Variants in ZNF782 observed in about 807,000 individuals in gnomAD.
ZNF782 encodes zinc finger protein 782.
ZNF782 carries 12 observed loss-of-function variants against 13.0 expected under a neutral mutation model. The ratio of observed to expected loss-of-function variants is 0.92; its 90% CI spans 0.59 to 1.50. ZNF782 has a LOEUF of 1.50. ZNF782 is among the 40% of genes most tolerant of loss of function. The pLI is 0.00. For missense variants in ZNF782, 770 were observed against 822.9 expected, an observed-to-expected ratio of 0.94 and a Z score of 0.79; for synonymous variants, 284 against 283.0, an observed-to-expected ratio of 1.00 and a Z score of -0.04.
chr9:96,888,654 A>G, the ZNF782 span: 1 of 152,228 alleles, frequency 6.6e-6, no homozygotes, highest in East Asian at 1.9e-4. Context: ...ATGCACTTGG[A>G]TGTGGTCAAG....
the ZNF782 span, chr9:96,890,664 C>G: frequency 3.9e-5 from 6 of 152,220 alleles, no homozygotes; most frequent in Non-Finnish European, 8.8e-5. Flanking sequence ...TGGGCAGTAA[C>G]TAACAGTATT....
chr9:96,868,350 A>G (rs977099101), intron 1 of ZNF782, among the ~76,000 whole-genome samples: 21 of 152,346 alleles, frequency 1.4e-4, no homozygotes, highest in Non-Finnish European at 2.9e-4. Context: ...CCAGTCTACA[A>G]TGTGTGTTAT....
At chr9:96,859,779 C>T (rs1851683024) in intron 3 of ZNF782, among the ~76,000 whole-genome samples, 1 of 152,160 alleles carries the variant, frequency 6.6e-6, no homozygotes, top group East Asian at 1.9e-4. Flanking sequence ...AGCTTAGACA[C>T]CAGCTCAGCT....
chr9:96,912,193 G>A, the ZNF782 span, among the ~76,000 whole-genome samples: 5 of 117,564 alleles, frequency 4.3e-5, no homozygotes, highest in South Asian at 2.9e-4. Flanking sequence ...GTGAAACTCC[G>A]TCTCGAAAAA....
intron 4 of ZNF782, among the ~76,000 whole-genome samples, chr9:96,844,446 T>A (rs1226217987): frequency 6.6e-6 from 1 of 151,862 alleles, no homozygotes; most frequent in East Asian, 1.9e-4. Flanking sequence ...TGTGCATGAG[T>A]TTCAAAAGCA....
At chr9:96,927,535 C>T in the ZNF782 span, among the ~76,000 whole-genome samples, 3 of 152,136 alleles carry the variant, frequency 2.0e-5, no homozygotes, top group Non-Finnish European at 4.4e-5. Context: ...CCAAGATTCA[C>T]ACTTGAGTCT....
At chr9:96,891,653 G>C in the ZNF782 span, 5 of 148,712 alleles carry the variant, frequency 3.4e-5, no homozygotes, top group Admixed American at 3.4e-4. Context: ...TCTGCCTCCC[G>C]CGTTCAAGCA....
At chr9:96,879,199 G>GA (rs1223801732), upstream of ZNF782, among the ~76,000 whole-genome samples, 2 of 152,186 alleles carry the variant, frequency 1.3e-5, no homozygotes, top group Admixed American at 6.5e-5. Context: ...GAAACAATGG[G>GA]ATACTTAGGC....
chr9:96,881,350 C>T, the ZNF782 span, among the ~76,000 whole-genome samples: 21 of 152,092 alleles, frequency 1.4e-4, no homozygotes, highest in Admixed American at 7.2e-4. Context: ...TAGAAACTTA[C>T]ATTGTTAATT....
the ZNF782 span, among the ~76,000 whole-genome samples, chr9:96,926,607 G>A: frequency 2.0e-5 from 3 of 151,582 alleles, no homozygotes; most frequent in African/African-American, 4.8e-5. Context: ...AGAAATGCTC[G>A]CTGGACCATT....
At chr9:96,857,565 T>C (rs1484724469), upstream of ZNF782, among the ~76,000 whole-genome samples, 1 of 152,248 alleles carries the variant, frequency 6.6e-6, no homozygotes, top group East Asian at 1.9e-4. Context: ...TATGCTGATA[T>C]TGACATTTGT....
upstream of ZNF782, among the ~76,000 whole-genome samples, chr9:96,858,292 C>T (rs1016467058): frequency 4.6e-5 from 7 of 152,226 alleles, no homozygotes; most frequent in African/African-American, 1.2e-4. This position sits in a 1 kb window ranked among gnomAD's most constrained non-coding sequence, Gnocchi z 4.4. Context: ...GAGTTAGAAG[C>T]TCTCCTCAGG....
chr9:96,929,162 C>G, the ZNF782 span: 1 of 1,515,416 alleles, frequency 6.6e-7, no homozygotes, highest in Non-Finnish European at 9.1e-7. Context: ...CTGGATGTCC[C>G]CAAGGACATC....
chr9:96,854,881 CTGTGAAAAAAAATTAAGAATTT>C (rs1305996366), upstream of ZNF782, among the ~76,000 whole-genome samples: 1 of 151,034 alleles, frequency 6.6e-6, no homozygotes, highest in South Asian at 2.1e-4. Context: ...CTTTTGTGAA[CTGTGAAAAAAAATTAAGAATTT>C]TGTAGAAATT....
the ZNF782 span, among the ~76,000 whole-genome samples, chr9:96,907,742 G>A: frequency 6.6e-6 from 1 of 151,878 alleles, no homozygotes; most frequent in South Asian, 2.1e-4. Context: ...CCGGGTTCAA[G>A]CGATTCTCCT....
chr9:96,887,700 T>C, the ZNF782 span: 1 of 152,164 alleles, frequency 6.6e-6, no homozygotes, highest in Non-Finnish European at 1.5e-5. Flanking sequence ...ATCATGCTAC[T>C]ATAAAGACAC....
the ZNF782 span, among the ~76,000 whole-genome samples, chr9:96,906,156 A>G: frequency 6.6e-6 from 1 of 152,268 alleles, no homozygotes; most frequent in Non-Finnish European, 1.5e-5. Context: ...TTCTGGGTGT[A>G]TATTAATAAT....
chr9:96,884,109 G>A, the ZNF782 span, among the ~76,000 whole-genome samples: 5 of 152,214 alleles, frequency 3.3e-5, no homozygotes, highest in Non-Finnish European at 7.3e-5. Flanking sequence ...TCCCAATCTG[G>A]TGGTATTGGC....
chr9:96,851,970 G>A lies in ZNF782; in HGVS notation c.-9C>T, dbSNP rs1481113064. ...ACCTGAAATGTGTTCATTTTCTGTG[G>A]CTCTTGGGAGAGTATAGAGAACTGT... is the stretch of plus-strand genomic sequence containing the variant. On this transcript the variant is annotated 5_prime_UTR_variant, in exon 3 of 6. Transcript: ENST00000481138. 5.6e-6 allele frequency: 9 copies of A among 1,613,800 alleles called. No individual in the cohort carries two copies. In the African/African-American group the frequency reaches 6.7e-5, roughly 12 times the overall value.
Sources: gnomAD v4.1 joint callset for allele counts (sites outside exome capture counted in the v4.1 genomes callset) on GRCh38, gnomAD v4.1.1 for gene constraint, Gnocchi (gnomAD v3.1) non-coding constraint, MANE v1.5 for transcripts, NCBI Gene and HGNC (gene_info 2026-07-23, HGNC 2026-07-21) for gene names.